Variants in SLC46A3 observed in about 807,000 individuals in gnomAD.
SLC46A3 encodes the protein solute carrier family 46 member 3, also known as lysosomal proton-coupled steroid conjugate and bile acid symporter SLC46A3.
In SLC46A3, 26 loss-of-function variants were observed where a neutral mutation model predicts 38.5. The ratio of observed to expected loss-of-function variants is 0.68; its 90% confidence interval spans 0.49 to 0.94. The LOEUF is 0.94. Among genes scored for constraint, SLC46A3 ranks in the 40% least tolerant of loss-of-function variants. The probability of loss-of-function intolerance (pLI) is 0.00; values close to 1 mark genes in which losing one functional copy is unlikely to be tolerated. For missense variants in SLC46A3, 510 were observed against 544.3 expected (o/e 0.94, Z 0.63); for synonymous variants, 185 against 192.5 (o/e 0.96, Z 0.32).
Position 28,713,221 on chromosome 13 carries a change from G to A in SLC46A3, c.519C>T (p.Asp173=), listed in dbSNP as rs766485879. 1 of 1,613,946 alleles carries A rather than the reference G, an allele frequency of 6.2e-7. No individual in the cohort carries two copies. The highest frequency in any genetic ancestry group is 1.3e-5 in the African/African-American group (1 of 74,932). ...GTCCAGTAACAAGTCCAAGTAGAAA[G>A]TCAATGATAGCTATTCGAATTGTTT... ...KQKTIRIAII[D]FLLGLVTGLT... The change falls in exon 3 of 6, where the codon GAC becomes GAT. Residue 173 remains aspartate, a synonymous_variant. Coordinates refer to ENST00000266943, the MANE Select transcript of SLC46A3 (RefSeq NM_181785.4).
chr13:28,700,525 T>TCTCGGTGGTCGC lies in SLC46A3; in HGVS notation c.*971_*972insGCGACCACCGAG. On this transcript the variant is annotated 3_prime_UTR_variant, in exon 6 of 6. Transcript: ENST00000266943. ...GGATTCAAATTTAAGGAGTACAAGA[T>TCTCGGTGGTCGC]CGTATTTTAAAAATGCCCTTAGCAG... is the stretch of plus-strand genomic sequence containing the variant. 2 of 160,358 alleles carry TCTCGGTGGTCGC rather than the reference T, an allele frequency of 1.2e-5. No homozygotes were observed. The highest frequency in any genetic ancestry group is 1.2e-4 in the Admixed American group (2 of 16,246). 9.9% of individuals were successfully genotyped at this position (160,358 alleles called of 1,614,324 possible).
At chr13:28,714,929 T>G (rs1012301926) in intron 2 of SLC46A3, among the ~76,000 whole-genome samples, 35 of 152,196 alleles carry the variant, frequency 2.3e-4, no homozygotes, top group African/African-American at 8.0e-4. Context: ...TCTTAAAACA[T>G]TTTTTGCTTG....
intron 5 of SLC46A3, 38 bp from the exon 6 acceptor site, chr13:28,701,619 A>G (rs771472936): frequency 1.3e-6 from 2 of 1,577,786 alleles, no homozygotes; most frequent in South Asian, 2.3e-5. Context: ...GTTGAGATTA[A>G]GACAATACAT....
chr13:28,702,308 T>C (rs1396451364), intron 5 of SLC46A3, among the ~76,000 whole-genome samples: 1 of 152,190 alleles, frequency 6.6e-6, no homozygotes, highest in Non-Finnish European at 1.5e-5. Flanking sequence ...TTAAGTCATT[T>C]TTCATGAAAT....
chr13:28,709,122 G>A (rs2137829713), intron 4 of SLC46A3, among the ~76,000 whole-genome samples: 1 of 152,098 alleles, frequency 6.6e-6, no homozygotes, highest in African/African-American at 2.4e-5. Flanking sequence ...AGGAGTTTGA[G>A]ACCAGCCTGG....
intron 4 of SLC46A3, among the ~76,000 whole-genome samples, chr13:28,706,172 A>G (rs1231004121): frequency 1.3e-5 from 2 of 152,208 alleles, no homozygotes; most frequent in Non-Finnish European, 2.9e-5. Context: ...CCCAGGTAAA[A>G]TAGTCCAAGG....
At position 28,717,488 on chromosome 13, in the gene SLC46A3, T is replaced by A. The variant is rs1459132182; in HGVS notation, c.189+322A>T. Among the ~76,000 whole-genome samples, 75 of 22,210 alleles carry A rather than the reference T, an allele frequency of 3.4e-3. 8 individuals carry two copies. Among genetic ancestry groups the A allele is most frequent in the East Asian group, 0.012 (2 of 166 alleles). 14.6% of individuals were successfully genotyped at this position (22,210 alleles called of 152,430 possible). A position where few individuals can be genotyped will look rare whatever the true frequency, so the allele number is the denominator to read the frequency against. ...CTGCCCTGCCCCAATTTTCAGACTT[T>A]TTTTTTTTTTTTTTTTTTTTTTAGG... On this transcript the variant is annotated intron_variant, in intron 2 of 5. Transcript: ENST00000266943.
At position 28,718,837 on chromosome 13, in the gene SLC46A3, G is replaced by C. The variant is rs1420407482; in HGVS notation, c.-366C>G. 7 of 152,340 alleles carry C rather than the reference G, an allele frequency of 4.6e-5. No homozygotes were observed. The allele number at this position is 152,340 out of a possible 1,614,324, so 9.4% of individuals were successfully genotyped here. On this transcript the variant is annotated 5_prime_UTR_variant, in exon 1 of 6. Coordinates refer to ENST00000266943, the MANE Select transcript of SLC46A3 (RefSeq NM_181785.4). Reference sequence around the variant, plus strand: ...GCCCTGCGGACCTCGGCCTCAGCGCGGCGCGGCGGGGCGCGGAGCAGCTGC... The same window carrying C: ...GCCCTGCGGACCTCGGCCTCAGCGCCGCGCGGCGGGGCGCGGAGCAGCTGC...
At chr13:28,717,415 A>T (rs1464548852) in intron 2 of SLC46A3, among the ~76,000 whole-genome samples, 2 of 151,620 alleles carry the variant, frequency 1.3e-5, no homozygotes, top group East Asian at 3.9e-4. Flanking sequence ...TGAGAGACAG[A>T]AACACCATGT....
At chr13:28,713,655 G>A (rs1452803918) in intron 2 of SLC46A3, 105 bp from the exon 3 acceptor site, 2 of 1,114,630 alleles carry the variant, frequency 1.8e-6, no homozygotes, top group Non-Finnish European at 2.5e-6. Context: ...GTAGGTTATG[G>A]GTGGGGAATC....
rs758563908 is a variant in SLC46A3, at chr13:28,712,896, T to C, written c.844A>G (p.Ile282Val). The change falls in exon 3 of 6, where the codon ATC (isoleucine) becomes GTC (valine). Residue 282 changes from isoleucine (I) to valine (V), a missense_variant. Physicochemically the swap from Ile to Val is conservative, Grantham distance 29. Coordinates refer to ENST00000266943, the MANE Select transcript of SLC46A3 (RefSeq NM_181785.4). ...AGTGGTGAATCCAATTCATAAAGGA[T>C]AAAAATTGGGGCAATGCCAATTACC... ...FVVIGIAPIF[I>V]LYELDSPLCW... The C allele has an allele frequency of 1.2e-6, 2 of 1,610,560 alleles. No homozygotes were observed. The highest frequency in any genetic ancestry group is 1.7e-6 in the Non-Finnish European group (2 of 1,179,180).
At chr13:28,703,414 T>G (rs534434023) in intron 5 of SLC46A3, among the ~76,000 whole-genome samples, 1 of 152,312 alleles carries the variant, frequency 6.6e-6, no homozygotes, top group Admixed American at 6.5e-5. Flanking sequence ...AGATGCTAAT[T>G]TAATCAATGG....
At chr13:28,715,732 G>A (rs1885510337) in intron 2 of SLC46A3, among the ~76,000 whole-genome samples, 1 of 152,212 alleles carries the variant, frequency 6.6e-6, no homozygotes, top group Non-Finnish European at 1.5e-5. Flanking sequence ...AAAGAAATGA[G>A]AGATGTCTGA....
chr13:28,709,881 C>T (rs1885292476), intron 4 of SLC46A3, among the ~76,000 whole-genome samples: 1 of 152,144 alleles, frequency 6.6e-6, no homozygotes, highest in Non-Finnish European at 1.5e-5. Flanking sequence ...CTGAGTGGGG[C>T]CCCGTTTTCT....
chr13:28,715,880 G>A (rs917615612), intron 2 of SLC46A3, among the ~76,000 whole-genome samples: 33 of 150,730 alleles, frequency 2.2e-4, no homozygotes, highest in African/African-American at 7.3e-4. Flanking sequence ...GGTGGCTCAC[G>A]CCTGTAATCC....
chr13:28,715,457 T>C (rs1386225462), intron 2 of SLC46A3, among the ~76,000 whole-genome samples: 1 of 152,190 alleles, frequency 6.6e-6, no homozygotes, highest in African/African-American at 2.4e-5. Flanking sequence ...CAGCAGACTT[T>C]CCCAGACATT....
At chr13:28,713,750 G>A (rs1053759895) in intron 2 of SLC46A3, among the ~76,000 whole-genome samples, 200 bp from the exon 3 acceptor site, 9 of 152,140 alleles carry the variant, frequency 5.9e-5, no homozygotes, top group African/African-American at 1.9e-4. Flanking sequence ...TATCTGAAAT[G>A]CTTGAGACCA....
chr13:28,717,509 T>TTTTTTTTTTTTTTTTTTTG, intron 2 of SLC46A3, among the ~76,000 whole-genome samples: 1 of 112,146 alleles, frequency 8.9e-6, no homozygotes, highest in African/African-American at 3.1e-5. Context: ...TTTTTTTTTT[T>TTTTTTTTTTTTTTTTTTTG]TAGGACAAAG....
chr13:28,706,497 G>A (rs1051445848), intron 4 of SLC46A3, among the ~76,000 whole-genome samples: 3 of 152,128 alleles, frequency 2.0e-5, no homozygotes, highest in Non-Finnish European at 4.4e-5. Context: ...CACAGTTACC[G>A]TAATTCAAAA....
Sources: allele counts gnomAD v4.1 joint callset (sites outside exome capture counted in the v4.1 genomes callset), GRCh38; gene constraint gnomAD v4.1.1; transcripts MANE v1.5; gene names NCBI Gene and HGNC (gene_info 2026-07-23, HGNC 2026-07-21).